Variants in CACNA1E observed in about 807,000 individuals in gnomAD.
CACNA1E encodes the protein voltage-dependent R-type calcium channel subunit alpha-1E.
In CACNA1E, 40 loss-of-function variants were observed where a neutral mutation model predicts 259.2. The ratio of observed to expected loss-of-function variants is 0.15; its 90% CI spans 0.12 to 0.20. The LOEUF (loss-of-function observed/expected upper bound fraction) is 0.20, where lower values mean the gene tolerates loss of function less well. CACNA1E is among the 10% of genes least tolerant of loss of function. The probability of loss-of-function intolerance (pLI) is 1.00; values close to 1 mark genes in which losing one functional copy is unlikely to be tolerated. For synonymous variants in CACNA1E, 1,104 were observed against 1,138.5 expected (o/e 0.97, Z 0.61); for missense variants, 1,874 against 3,040.1 (o/e 0.62, Z 9.02).
At chr1:181,427,070 T>C (rs994015433) in intron 2 of CACNA1E, among the ~76,000 whole-genome samples, 2 of 140,168 alleles carry the variant, frequency 1.4e-5, no homozygotes, top group Non-Finnish European at 3.1e-5. Flanking sequence ...ACCCCTTCCT[T>C]ACTCAATCCC....
intron 3 of CACNA1E, among the ~76,000 whole-genome samples, chr1:181,535,291 C>T (rs1015862529): frequency 6.6e-6 from 1 of 152,048 alleles, no homozygotes; most frequent in African/African-American, 2.4e-5. Flanking sequence ...TAAAATGTTT[C>T]CCCTCCCCCA....
chr1:181,379,695 G>T (rs1276451731), intron 1 of CACNA1E, among the ~76,000 whole-genome samples: 2 of 151,982 alleles, frequency 1.3e-5, no homozygotes, highest in East Asian at 3.9e-4. Flanking sequence ...CAATCATAAG[G>T]TCTCTACCCT....
chr1:181,433,877 A>T (rs1252727631), intron 2 of CACNA1E, among the ~76,000 whole-genome samples: 10 of 152,232 alleles, frequency 6.6e-5, no homozygotes, highest in Admixed American at 6.5e-4. Context: ...GACTTAGATA[A>T]ACTTAGTATC....
intron 6 of CACNA1E, 127 bp downstream of exon 6, chr1:181,580,903 G>A (rs1238838270): frequency 2.6e-6 from 2 of 766,600 alleles, no homozygotes; most frequent in Non-Finnish European, 4.3e-6. Context: ...GGGATGGGAG[G>A]TGAAGACTCA....
At chr1:181,568,077 G>A (rs566436209) in intron 3 of CACNA1E, among the ~76,000 whole-genome samples, 100 of 152,078 alleles carry the variant, frequency 6.6e-4, no homozygotes, top group Non-Finnish European at 1.2e-3. Context: ...CTAGAACATA[G>A]GTCAATTGAA....
chr1:181,373,747 G>T (rs552587471), intron 1 of CACNA1E, among the ~76,000 whole-genome samples: 34 of 151,944 alleles, frequency 2.2e-4, no homozygotes, highest in African/African-American at 7.0e-4. Context: ...CCGTGGTCTC[G>T]ATCTCCTGAC....
rs369980962 is a variant in CACNA1E at position 181,638,516 on chromosome 1, C to G, written c.952-12822C>G. Among the ~76,000 whole-genome samples, 17 of 152,166 alleles carry G rather than the reference C, an allele frequency of 1.1e-4. No homozygotes were observed. The East Asian group carries it at 2.7e-3, about 24-fold the overall frequency. On this transcript the variant is annotated intron_variant, in intron 6 of 47. Coordinates refer to ENST00000367573, the MANE Select transcript of CACNA1E (RefSeq NM_001205293.3). ...GCTGGGTGTGGATTCCGAATCTTCA[C>G]CCAGCTTCACATGCTTATTGTGGGA...
At chr1:181,522,425 A>C (rs1235347423) in intron 3 of CACNA1E, among the ~76,000 whole-genome samples, 1 of 152,198 alleles carries the variant, frequency 6.6e-6, no homozygotes, top group Non-Finnish European at 1.5e-5. Flanking sequence ...AAATTATTTT[A>C]AAAATGCTTT....
chr1:181,647,798 T>C (rs1452578244), intron 6 of CACNA1E, among the ~76,000 whole-genome samples: 2 of 152,180 alleles, frequency 1.3e-5, no homozygotes, highest in African/African-American at 4.8e-5. Context: ...TGTGTCCCTT[T>C]GTCCTACCGG....
chr1:181,442,057 T>G (rs1660511917), intron 2 of CACNA1E, among the ~76,000 whole-genome samples: 1 of 152,218 alleles, frequency 6.6e-6, no homozygotes, highest in South Asian at 2.1e-4. Context: ...CCTTGGACTC[T>G]GGCATGCCAT....
At chr1:181,718,710 G>C (rs1323104675) in intron 12 of CACNA1E, among the ~76,000 whole-genome samples, 2 of 149,660 alleles carry the variant, frequency 1.3e-5, no homozygotes, top group Admixed American at 1.3e-4. Context: ...TCAGTCAGCT[G>C]TTTACTTTCT....
intron 7 of CACNA1E, among the ~76,000 whole-genome samples, chr1:181,675,875 T>C (rs560770447): frequency 7.7e-4 from 118 of 152,336 alleles, no homozygotes; most frequent in African/African-American, 2.6e-3. Context: ...AAAGACCTCA[T>C]GCATTGTGTG....
intron 1 of CACNA1E, among the ~76,000 whole-genome samples, chr1:181,490,923 C>T (rs1173416859): frequency 2.0e-5 from 3 of 152,090 alleles, no homozygotes; most frequent in African/African-American, 4.8e-5. Flanking sequence ...TGCAGGACAT[C>T]GTGCGTGGCC....
At chr1:181,747,765 A>T (rs17693196) in intron 25 of CACNA1E, among the ~76,000 whole-genome samples, 25,380 of 152,218 alleles carry the variant, frequency 0.17, 2,214 homozygotes, top group South Asian at 0.25. Context: ...CAATTAAGGT[A>T]CTTGAAGAGC....
intron 1 of CACNA1E, among the ~76,000 whole-genome samples, chr1:181,355,287 G>A (rs1653337708): frequency 6.6e-6 from 1 of 152,194 alleles, no homozygotes. Flanking sequence ...AATAAGGGTT[G>A]CATTAGACAA....
intron 2 of CACNA1E, among the ~76,000 whole-genome samples, chr1:181,475,139 A>G (rs1662760547): frequency 6.6e-6 from 1 of 152,130 alleles, no homozygotes; most frequent in Non-Finnish European, 1.5e-5. Context: ...TTCACCAATA[A>G]CAGTTGCAGG....
chr1:181,507,975 T>G (rs1341526011), intron 1 of CACNA1E, among the ~76,000 whole-genome samples: 1 of 152,084 alleles, frequency 6.6e-6, no homozygotes, highest in Non-Finnish European at 1.5e-5. Flanking sequence ...TTCACTCCAG[T>G]CAGATCCATC....
At chr1:181,558,539 G>C (rs1648977751) in intron 3 of CACNA1E, among the ~76,000 whole-genome samples, 1 of 152,198 alleles carries the variant, frequency 6.6e-6, no homozygotes, top group Non-Finnish European at 1.5e-5. Flanking sequence ...AGGAGGAGCA[G>C]TTTAAACCTA....
At chr1:181,543,024 T>C (rs977646942) in intron 3 of CACNA1E, among the ~76,000 whole-genome samples, 2 of 151,734 alleles carry the variant, frequency 1.3e-5, no homozygotes, top group African/African-American at 4.8e-5. Flanking sequence ...TAAACTCATA[T>C]AACCAAGGAA....
Sources: gnomAD v4.1 joint callset for allele counts (sites outside exome capture counted in the v4.1 genomes callset) on GRCh38, gnomAD v4.1.1 for gene constraint, MANE v1.5 for transcripts, NCBI Gene and HGNC (gene_info 2026-07-23, HGNC 2026-07-21) for gene names.